PUDP: variants seen among roughly 807,000 people sequenced by gnomAD.
PUDP encodes the protein pseudouridine 5'-phosphatase, also known as pseudouridine-5'-phosphatase.
PUDP carries 8 observed loss-of-function variants against 9.4 expected under a neutral mutation model. That is an observed-to-expected ratio of 0.85 (90% CI 0.50 to 1.53). The LOEUF is 1.53. Ranked by LOEUF, PUDP falls within the 40% of genes most tolerant of loss-of-function variation. PUDP has a pLI of 0.00. For synonymous variants in PUDP, 99 were observed against 80.7 expected (o/e 1.23, Z -1.22); for missense variants, 188 against 189.7 (o/e 0.99, Z 0.05).
chrX:6,781,800 G>C (rs530337246), intron 3 of PUDP, among the ~76,000 whole-genome samples: 48 of 112,212 alleles, frequency 4.3e-4, no homozygotes, highest in African/African-American at 1.5e-3. Flanking sequence ...TTGGAGGATG[G>C]ATTCAGGGAT....
intron 3 of PUDP, among the ~76,000 whole-genome samples, chrX:6,801,808 G>A (rs183881097): frequency 9.8e-5 from 11 of 111,898 alleles, no homozygotes; most frequent in African/African-American, 2.3e-4. Flanking sequence ...GCTAAGGTAC[G>A]CCCTGTTAGT....
chrX:6,812,936 A>C (rs1003274750), intron 3 of PUDP, among the ~76,000 whole-genome samples: 1 of 111,400 alleles, frequency 9.0e-6, no homozygotes, highest in African/African-American at 3.3e-5. Flanking sequence ...TCTACAAAAA[A>C]ATAAAAAATT....
At chrX:6,722,443 A>G, upstream of PUDP, among the ~76,000 whole-genome samples, 1 of 71,153 alleles carries the variant, frequency 1.4e-5, no homozygotes, top group Admixed American at 1.6e-4. Flanking sequence ...AGACTGTCTC[A>G]AAAAAAAAAA....
intron 3 of PUDP, among the ~76,000 whole-genome samples, chrX:6,783,105 G>C (rs1434277163): frequency 1.8e-5 from 2 of 111,733 alleles, no homozygotes; most frequent in Non-Finnish European, 3.8e-5. Context: ...GGAACAGATG[G>C]ATAATGTTTA....
intron 1 of PUDP, among the ~76,000 whole-genome samples, chrX:7,004,497 C>T (rs1929374622): frequency 9.0e-6 from 1 of 111,724 alleles, no homozygotes; most frequent in South Asian, 3.7e-4. Context: ...GTTGATCCAA[C>T]CCAAACACTT....
chrX:7,002,889 C>T (rs1692139394), intron 1 of PUDP, among the ~76,000 whole-genome samples: 1 of 110,311 alleles, frequency 9.1e-6, no homozygotes, highest in African/African-American at 3.3e-5. Flanking sequence ...AGGGGCTCAG[C>T]TGAAACCCAC....
At chrX:6,864,351 G>T (rs1257778770) in intron 3 of PUDP, among the ~76,000 whole-genome samples, 1 of 112,237 alleles carries the variant, frequency 8.9e-6, no homozygotes, top group Non-Finnish European at 1.9e-5. Context: ...AAGAAAGGAA[G>T]CTTTGAGTGT....
At chrX:7,062,575 G>A (rs1048302938) in intron 3 of PUDP, among the ~76,000 whole-genome samples, 11 of 110,422 alleles carry the variant, frequency 1.0e-4, no homozygotes, top group Non-Finnish European at 2.1e-4. Context: ...AGATGGACAT[G>A]CAGAAAAATA....
intron 1 of PUDP, among the ~76,000 whole-genome samples, chrX:6,984,939 T>C (rs1184586317): frequency 8.9e-6 from 1 of 112,214 alleles, no homozygotes; most frequent in East Asian, 2.8e-4. Flanking sequence ...TGAGCCATTA[T>C]GGGGCTGGTA....
chrX:6,994,442 G>C (rs1168477172), intron 1 of PUDP, among the ~76,000 whole-genome samples: 1 of 112,013 alleles, frequency 8.9e-6, no homozygotes. Context: ...TTGATGAGGT[G>C]AAGAACCATA....
chrX:6,969,385 G>C (rs1479545523), intron 3 of PUDP, among the ~76,000 whole-genome samples: 1 of 111,779 alleles, frequency 8.9e-6, no homozygotes, highest in Non-Finnish European at 1.9e-5. Flanking sequence ...CAACCCAAGG[G>C]GTGAGGTGTG....
chrX:6,784,349 T>C (rs185068929), intron 3 of PUDP, among the ~76,000 whole-genome samples: 331 of 111,731 alleles, frequency 3.0e-3, no homozygotes, highest in Non-Finnish European at 5.1e-3. Context: ...GTTGTGTGCA[T>C]TGGATTATAC....
intron 1 of PUDP, among the ~76,000 whole-genome samples, chrX:7,135,848 C>T (rs2146931011): frequency 9.0e-6 from 1 of 111,242 alleles, no homozygotes; most frequent in South Asian, 3.8e-4. Context: ...TGCCCTAACT[C>T]TTCATTCCTC....
downstream of PUDP, among the ~76,000 whole-genome samples, chrX:7,044,258 C>T (rs1569144529): frequency 8.9e-6 from 1 of 112,064 alleles, no homozygotes; most frequent in Non-Finnish European, 1.9e-5. Context: ...GCATCTCAAA[C>T]TTATTTAAGG....
intron 1 of PUDP, among the ~76,000 whole-genome samples, chrX:6,714,703 T>C (rs1047486286): frequency 3.6e-5 from 4 of 111,263 alleles, no homozygotes; most frequent in Admixed American, 1.9e-4. Context: ...ATGGAGATGA[T>C]AGATGATTGA....
At chrX:6,790,785 G>A (rs1925732142) in intron 3 of PUDP, among the ~76,000 whole-genome samples, 1 of 111,763 alleles carries the variant, frequency 8.9e-6, no homozygotes, top group South Asian at 3.7e-4. Flanking sequence ...ACTAAGAGAC[G>A]GCATGACGGA....
intron 3 of PUDP, among the ~76,000 whole-genome samples, chrX:6,833,913 A>G: frequency 8.9e-6 from 1 of 112,554 alleles, no homozygotes; most frequent in East Asian, 2.8e-4. Flanking sequence ...ATTACCTCAT[A>G]AAGACATTCT....
chrX:7,050,964 C>T (rs562112739), intron 3 of PUDP, among the ~76,000 whole-genome samples: 14 of 111,999 alleles, frequency 1.3e-4, no homozygotes, highest in African/African-American at 4.2e-4. Context: ...GCTAGTGTGA[C>T]GTGACAAATG....
intron 1 of PUDP, among the ~76,000 whole-genome samples, chrX:7,024,754 CTTT>C (rs55692944): frequency 7.3e-5 from 4 of 54,451 alleles, no homozygotes; most frequent in African/African-American, 3.0e-4. Context: ...GCCCGGCTAA[CTTT>C]TTTTTTTTTT....
Sources: allele counts gnomAD v4.1 joint callset (sites outside exome capture counted in the v4.1 genomes callset), GRCh38; gene constraint gnomAD v4.1.1; transcripts MANE v1.5; gene names NCBI Gene and HGNC (gene_info 2026-07-23, HGNC 2026-07-21).